Variants in SOAT1 observed in about 807,000 individuals in gnomAD.
The protein encoded by SOAT1 is acyl-coenzyme A:cholesterol acyltransferase 1.
Under a neutral mutation model 69.5 loss-of-function variants are expected in SOAT1, and 55 were observed. That is an observed-to-expected ratio of 0.79 (90% CI 0.64 to 0.99). The LOEUF is 0.99. SOAT1 is among the 50% of genes least tolerant of loss of function. The probability of loss-of-function intolerance (pLI) is 0.00; values close to 1 mark genes in which losing one functional copy is unlikely to be tolerated. For missense variants in SOAT1, 580 were observed against 669.3 expected, an observed-to-expected ratio of 0.87 and a Z score of 1.47; for synonymous variants, 231 against 224.7, an observed-to-expected ratio of 1.03 and a Z score of -0.25.
chr1:179,320,624 A>G (rs551096148), intron 2 of SOAT1, among the ~76,000 whole-genome samples: 2 of 152,284 alleles, frequency 1.3e-5, no homozygotes, highest in South Asian at 2.1e-4. Context: ...GTCAATGAAT[A>G]TGGGATGTCT....
chr1:179,344,348 AAGGGGTTTTTTTTTTTTTTTTTTTTTT>A (rs1666446264), intron 10 of SOAT1, among the ~76,000 whole-genome samples: 1 of 3,864 alleles, frequency 2.6e-4, no homozygotes, highest in Non-Finnish European at 6.5e-4. Flanking sequence ...TTCTTTCATT[AAGGGGTTTTTTTTTTTTTTTTTTTTTT>A]TTTTTTTTTT....
At chr1:179,302,044 A>G (rs1003059824) in intron 1 of SOAT1, among the ~76,000 whole-genome samples, 2 of 141,670 alleles carry the variant, frequency 1.4e-5, no homozygotes, top group Non-Finnish European at 3.0e-5. Context: ...TTTTTTTTAC[A>G]TACTTAATGC....
intron 3 of SOAT1, among the ~76,000 whole-genome samples, chr1:179,328,941 G>T (rs1665877657): frequency 1.3e-5 from 2 of 151,420 alleles, no homozygotes; most frequent in Non-Finnish European, 2.9e-5. Context: ...TGCTACTCGG[G>T]AGGCTGAGGT....
intron 3 of SOAT1, among the ~76,000 whole-genome samples, chr1:179,327,877 C>T (rs1347369313): frequency 1.3e-5 from 2 of 152,060 alleles, no homozygotes; most frequent in Non-Finnish European, 2.9e-5. Flanking sequence ...CTCTTAAGGT[C>T]GCCTCGAGGT....
chr1:179,328,873 G>A (rs1218750528), intron 3 of SOAT1, among the ~76,000 whole-genome samples: 1 of 150,972 alleles, frequency 6.6e-6, no homozygotes, highest in African/African-American at 2.5e-5. Context: ...GCAAAACCCT[G>A]TGTCTACAAA....
chr1:179,320,391 A>T (rs1022554899), intron 2 of SOAT1, among the ~76,000 whole-genome samples: 3 of 151,814 alleles, frequency 2.0e-5, no homozygotes, highest in Non-Finnish European at 1.5e-5. Flanking sequence ...TACATTGATC[A>T]TCTATGTGTC....
At chr1:179,349,131 C>G (rs952768402) in intron 13 of SOAT1, among the ~76,000 whole-genome samples, 189 bp downstream of exon 13, 3 of 152,128 alleles carry the variant, frequency 2.0e-5, no homozygotes, top group Non-Finnish European at 4.4e-5. Context: ...TTAGAAACCA[C>G]TGTGTGTACA....
chr1:179,313,634 G>T (rs1409742477), intron 2 of SOAT1, among the ~76,000 whole-genome samples: 1 of 151,818 alleles, frequency 6.6e-6, no homozygotes, highest in South Asian at 2.1e-4. Flanking sequence ...GCCCAGGCTG[G>T]AGTGCAATGG....
chr1:179,335,559 G>T lies in SOAT1; in HGVS notation c.231G>T (p.Val77=). 1 of 1,613,570 alleles carries T rather than the reference G, an allele frequency of 6.2e-7. No individual in the cohort carries two copies. The highest frequency in any genetic ancestry group is 8.5e-7 in the Non-Finnish European group (1 of 1,179,590). Residue 77 remains valine, a synonymous_variant, in exon 4 of 16, where the codon GTG becomes GTT. Transcript: ENST00000367619. Reference sequence around the variant, plus strand: ...TTGGCAGTCACTTTGATGATTTTGTGACCAATCTCATTGAAAAGTCAGCAT... The same window carrying T: ...TTGGCAGTCACTTTGATGATTTTGTTACCAATCTCATTGAAAAGTCAGCAT... ...KEVGSHFDDF[V]TNLIEKSASL...
At chr1:179,307,167 C>T (rs6667804) in intron 2 of SOAT1, among the ~76,000 whole-genome samples, 75,722 of 152,002 alleles carry the variant, frequency 0.5, 19,809 homozygotes, top group East Asian at 0.84. Flanking sequence ...ACCTGGGTTG[C>T]GTGGGATATC....
At chr1:179,347,555 T>A (rs1162903358) in intron 11 of SOAT1, 45 bp from the exon 12 acceptor site, 1 of 1,092,986 alleles carries the variant, frequency 9.1e-7, no homozygotes, top group Non-Finnish European at 1.4e-6. Context: ...GCTTGGTATG[T>A]GAGCTATTTG....
At chr1:179,310,892 T>C (rs530270630) in intron 2 of SOAT1, among the ~76,000 whole-genome samples, 2 of 152,344 alleles carry the variant, frequency 1.3e-5, no homozygotes, top group South Asian at 4.1e-4. Flanking sequence ...TAGTCACTGC[T>C]TAGTATTCCT....
rs1332494558 is a variant in SOAT1, at chr1:179,356,390, T to TAG, written c.*2751_*2752dup. The TAG allele has an allele frequency of 6.6e-6, 1 of 151,828 alleles. No homozygotes were observed. The highest frequency in any genetic ancestry group is 1.5e-5 in the Non-Finnish European group (1 of 67,984). The allele number at this position is 151,828 out of a possible 1,614,324, so 9.4% of individuals were successfully genotyped here. A position where few individuals can be genotyped will look rare whatever the true frequency, so the allele number is the denominator to read the frequency against. On this transcript the variant is annotated 3_prime_UTR_variant, in exon 16 of 16. Transcript: ENST00000367619. ...AATGGAATTTTGTTTTGTTTGTTGG[T>TAG]AGATTCACATACTAAAACTTTGCAG...
chr1:179,342,220 C>G (rs752568665), intron 8 of SOAT1, 28 bp downstream of exon 8: 9 of 1,550,316 alleles, frequency 5.8e-6, no homozygotes, highest in Non-Finnish European at 7.1e-6. Flanking sequence ...TTCATTATTT[C>G]TTCCTCCCCT....
Position 179,299,093 on chromosome 1 carries a change from T to C in SOAT1, c.-8-3584T>C, listed in dbSNP as rs1467126812. Among the ~76,000 whole-genome samples, 3 of 152,204 alleles carry C rather than the reference T, an allele frequency of 2.0e-5. No individual in the cohort carries two copies. The East Asian group carries it at 5.8e-4, about 29-fold the overall frequency. ...GTATTGCTCTCTGATTATAGGACAA[T>C]GTAACATGTGACAGGATGCTCAGTG... On this transcript the variant is annotated intron_variant, in intron 1 of 15. Coordinates refer to ENST00000367619, the MANE Select transcript of SOAT1 (RefSeq NM_003101.6).
At chr1:179,345,390 G>A (rs1298745169) in intron 11 of SOAT1, among the ~76,000 whole-genome samples, 1 of 152,092 alleles carries the variant, frequency 6.6e-6, no homozygotes, top group Non-Finnish European at 1.5e-5. Context: ...CCACTTAAAT[G>A]CCCCTTGTTG....
At chr1:179,353,211 A>ATT (rs1553248892) in intron 15 of SOAT1, among the ~76,000 whole-genome samples, 2 of 64,522 alleles carry the variant, frequency 3.1e-5, no homozygotes, top group East Asian at 9.3e-4. Flanking sequence ...ATATATAAAT[A>ATT]TATATATATA....
At chr1:179,319,559 C>T (rs557255659) in intron 2 of SOAT1, among the ~76,000 whole-genome samples, 5 of 152,184 alleles carry the variant, frequency 3.3e-5, no homozygotes, top group East Asian at 1.9e-4. Flanking sequence ...CATGAGCCAC[C>T]GCACCTGGCG....
At chr1:179,325,354 G>C (rs112689462) in intron 3 of SOAT1, among the ~76,000 whole-genome samples, 9 of 151,038 alleles carry the variant, frequency 6.0e-5, no homozygotes, top group African/African-American at 2.2e-4. Context: ...GGGTTTCACC[G>C]TGTTAGCCAG....
Sources: allele counts gnomAD v4.1 joint callset (sites outside exome capture counted in the v4.1 genomes callset), GRCh38; gene constraint gnomAD v4.1.1; transcripts MANE v1.5; gene names NCBI Gene and HGNC (gene_info 2026-07-23, HGNC 2026-07-21).